CCDC102B: variants seen among roughly 807,000 people sequenced by gnomAD.
CCDC102B encodes coiled-coil domain containing 102B, also known as coiled-coil domain-containing protein 102B.
Under a neutral mutation model 57.4 loss-of-function variants are expected in CCDC102B, and 75 were observed. That is an observed-to-expected ratio of 1.31 (90% CI 1.08 to 1.58). The LOEUF (loss-of-function observed/expected upper bound fraction) is 1.58. Among genes scored for constraint, CCDC102B ranks in the 40% most tolerant of loss-of-function variants. The pLI, the probability that CCDC102B is intolerant of heterozygous loss-of-function variation, is 0.00. For missense variants in CCDC102B, 636 were observed against 582.6 expected, an observed-to-expected ratio of 1.09 and a Z score of -0.94; for synonymous variants, 206 against 201.9, an observed-to-expected ratio of 1.02 and a Z score of -0.17.
At chr18:68,900,094 C>G (rs2040388608) in intron 6 of CCDC102B, 1 of 152,016 alleles carries the variant, frequency 6.6e-6, no homozygotes, top group Admixed American at 6.6e-5. Flanking sequence ...CTAGAACAAC[C>G]ATTGCATGAA....
At chr18:68,754,721 C>T (rs1351156250) in intron 2 of CCDC102B, 1 of 152,130 alleles carries the variant, frequency 6.6e-6, no homozygotes, top group Non-Finnish European at 1.5e-5. Context: ...GAATGTGTCT[C>T]CTCAAATTCC....
At chr18:68,959,318 G>A (rs144281755) in intron 6 of CCDC102B, among the ~76,000 whole-genome samples, 2 of 152,218 alleles carry the variant, frequency 1.3e-5, no homozygotes, top group East Asian at 3.9e-4. Context: ...CACTAATTTA[G>A]CTGGCAAAGA....
intron 6 of CCDC102B, among the ~76,000 whole-genome samples, chr18:68,991,456 A>G (rs893191792): frequency 2.0e-5 from 3 of 152,234 alleles, no homozygotes; most frequent in Non-Finnish European, 4.4e-5. Flanking sequence ...ATAAAGCACT[A>G]CTTGGCTAAG....
chr18:68,942,942 C>A (rs144640103), intron 6 of CCDC102B, among the ~76,000 whole-genome samples: 1 of 129,038 alleles, frequency 7.7e-6, no homozygotes, highest in African/African-American at 2.7e-5. Context: ...TGCGGCCTTC[C>A]GCTGTGTTTT....
Position 68,789,461 on chromosome 18 carries a change from G to T in CCDC102B, c.-66-33905G>T, listed in dbSNP as rs1032826847. On this transcript the variant is annotated intron_variant, in intron 2 of 3. Coordinates refer to the CCDC102B transcript ENST00000578970. ...GTTTCATTCTCCCCATCGCTTTCAGGTACCCCAATCAGACGTAGATTTGGT... is the reference window on the plus strand; with the variant it reads ...GTTTCATTCTCCCCATCGCTTTCAGTTACCCCAATCAGACGTAGATTTGGT... Among the ~76,000 whole-genome samples the T allele has an allele frequency of 1.4e-4, 22 of 152,104 alleles. 1 individual carries two copies. Among genetic ancestry groups the T allele is most frequent in the East Asian group, 1.3e-3 (7 of 5,198 alleles).
At chr18:68,972,781 C>T (rs940009667) in intron 6 of CCDC102B, among the ~76,000 whole-genome samples, 2 of 151,978 alleles carry the variant, frequency 1.3e-5, no homozygotes, top group Non-Finnish European at 2.9e-5. Flanking sequence ...AAGTAATTTC[C>T]GGGTGAGTTT....
At chr18:68,865,487 T>C (rs1180962592) in intron 4 of CCDC102B, among the ~76,000 whole-genome samples, 2 of 152,148 alleles carry the variant, frequency 1.3e-5, no homozygotes, top group Non-Finnish European at 1.5e-5. Flanking sequence ...CTCCCTATAA[T>C]TCCTCACAGG....
rs190305346 is a variant in CCDC102B at position 68,759,972 on chromosome 18, A to G, written c.-67+43378A>G. Among the ~76,000 whole-genome samples the G allele has an allele frequency of 2.9e-3, 434 of 152,210 alleles. 1 individual carries two copies. The highest frequency in any genetic ancestry group is 0.01 in the African/African-American group (416 of 41,566). On this transcript the variant is annotated intron_variant, in intron 2 of 3. Coordinates refer to the CCDC102B transcript ENST00000578970. ...TCAAAAGACTGATCACTGCAGGGGT[A>G]TAAAGGCACAGTTATCTCACCCCAA...
At chr18:68,920,468 T>C (rs923628568) in intron 6 of CCDC102B, among the ~76,000 whole-genome samples, 10 of 152,134 alleles carry the variant, frequency 6.6e-5, no homozygotes, top group Admixed American at 4.6e-4. Context: ...ATTTTCACAC[T>C]GCTGATAAAG....
intron 4 of CCDC102B, among the ~76,000 whole-genome samples, chr18:68,851,472 C>T (rs924542422): frequency 2.0e-5 from 3 of 152,126 alleles, no homozygotes; most frequent in Non-Finnish European, 4.4e-5. Context: ...CCTTCAAGAC[C>T]TTTTAAACAA....
chr18:68,716,041 C>A (rs565867449), intron 1 of CCDC102B, among the ~76,000 whole-genome samples: 3 of 152,110 alleles, frequency 2.0e-5, no homozygotes, highest in African/African-American at 4.8e-5. Context: ...AATGTCACCC[C>A]CTTTGTGCAT....
intron 6 of CCDC102B, among the ~76,000 whole-genome samples, chr18:68,975,296 A>T (rs1687352482): frequency 6.6e-6 from 1 of 152,090 alleles, no homozygotes; most frequent in South Asian, 2.1e-4. Context: ...TTCATAGGTC[A>T]TAAGAAAGCA....
chr18:69,040,385 G>GGTGT (rs908583162), intron 7 of CCDC102B, among the ~76,000 whole-genome samples: 203 of 57,348 alleles, frequency 3.5e-3, no homozygotes, highest in African/African-American at 0.013. Flanking sequence ...TAGATGCAGG[G>GGTGT]GTGTGTGTGT....
intron 2 of CCDC102B, among the ~76,000 whole-genome samples, chr18:68,838,148 G>T (rs571210813): frequency 6.6e-6 from 1 of 152,134 alleles, no homozygotes; most frequent in Non-Finnish European, 1.5e-5. Flanking sequence ...TAAGAGTGTC[G>T]TGCAGTTGTT....
intron 1 of CCDC102B, among the ~76,000 whole-genome samples, chr18:68,819,578 G>T (rs140697223): frequency 6.6e-6 from 1 of 151,714 alleles, no homozygotes; most frequent in Non-Finnish European, 1.5e-5. Flanking sequence ...TTTCAAATGG[G>T]TGTTAGTATC....
At chr18:69,057,350 C>T (rs188599076), downstream of CCDC102B, among the ~76,000 whole-genome samples, 3 of 152,014 alleles carry the variant, frequency 2.0e-5, no homozygotes, top group Non-Finnish European at 4.4e-5. Flanking sequence ...TTCCACTCAA[C>T]CCATGGGGTG....
intron 2 of CCDC102B, among the ~76,000 whole-genome samples, chr18:68,776,965 G>T (rs753599915): frequency 2.0e-5 from 3 of 151,606 alleles, no homozygotes; most frequent in Non-Finnish European, 4.4e-5. Flanking sequence ...CTTATATATT[G>T]TGTCTCTGTG....
At chr18:69,031,957 T>G (rs746712395) in intron 7 of CCDC102B, among the ~76,000 whole-genome samples, 5 of 151,946 alleles carry the variant, frequency 3.3e-5, no homozygotes, top group Non-Finnish European at 4.4e-5. Flanking sequence ...TGCATTTCTG[T>G]CACTGATTTT....
intron 3 of CCDC102B, among the ~76,000 whole-genome samples, chr18:68,839,311 T>C (rs2144794323): frequency 6.6e-6 from 1 of 152,276 alleles, no homozygotes; most frequent in African/African-American, 2.4e-5. Context: ...AAATCACAAT[T>C]TTGTGAGATA....
Sources: allele counts gnomAD v4.1 joint callset (sites outside exome capture counted in the v4.1 genomes callset), GRCh38; gene constraint gnomAD v4.1.1; transcripts MANE v1.5; gene names NCBI Gene and HGNC (gene_info 2026-07-23, HGNC 2026-07-21).